PCDH7: variants seen among roughly 807,000 people sequenced by gnomAD.
PCDH7 encodes the protein protocadherin-7.
A neutral mutation model predicts 58.9 loss-of-function variants in PCDH7; 17 were observed. The observed-to-expected ratio is 0.29, with a 90% confidence interval of 0.20 to 0.43. The LOEUF is 0.43. Among genes scored for constraint, PCDH7 ranks in the 20% least tolerant of loss-of-function variants. The pLI, the probability that PCDH7 is intolerant of heterozygous loss-of-function variation, is 1.00. For synonymous variants in PCDH7, 664 were observed against 616.4 expected (o/e 1.08, Z -1.14); for missense variants, 1,274 against 1,441.0 (o/e 0.88, Z 1.88).
intron 1 of PCDH7, among the ~76,000 whole-genome samples, chr4:30,864,991 T>C (rs1734694167): frequency 6.6e-6 from 1 of 152,032 alleles, no homozygotes; most frequent in South Asian, 2.1e-4. Flanking sequence ...CAAAATGAGC[T>C]CATGTGATTT....
chr4:30,943,616 C>T (rs1269346256), intron 2 of PCDH7, among the ~76,000 whole-genome samples: 1 of 152,124 alleles, frequency 6.6e-6, no homozygotes, highest in Non-Finnish European at 1.5e-5. Context: ...TGCTGGCCAA[C>T]TCTTCCTTTA....
At chr4:30,877,090 G>A (rs1422249780) in intron 1 of PCDH7, among the ~76,000 whole-genome samples, 1 of 152,078 alleles carries the variant, frequency 6.6e-6, no homozygotes, top group African/African-American at 2.4e-5. Context: ...GAAGCATTAT[G>A]AAAGTATTTT....
chr4:30,764,421 G>A (rs1227506783), intron 1 of PCDH7, among the ~76,000 whole-genome samples: 1 of 151,864 alleles, frequency 6.6e-6, no homozygotes, highest in Non-Finnish European at 1.5e-5. Context: ...TTAAGTAGTG[G>A]TTCAGGAATA....
At chr4:30,996,570 A>C (rs1480235880) in intron 3 of PCDH7, among the ~76,000 whole-genome samples, 1 of 152,136 alleles carries the variant, frequency 6.6e-6, no homozygotes, top group Non-Finnish European at 1.5e-5. Flanking sequence ...TCATCTTGGG[A>C]CATGCTACTG....
At chr4:31,076,917 T>A (rs1431761182) in intron 3 of PCDH7, among the ~76,000 whole-genome samples, 1 of 152,154 alleles carries the variant, frequency 6.6e-6, no homozygotes, top group African/African-American at 2.4e-5. Context: ...CAATCTTATA[T>A]TTAGTGATAA....
Position 30,829,748 on chromosome 4 carries a change from T to A in PCDH7, c.71-90405T>A, listed in dbSNP as rs185093268. Among the ~76,000 whole-genome samples, 293 of 152,228 alleles carry A rather than the reference T, an allele frequency of 1.9e-3. 2 individuals are homozygous for A. The highest frequency in any genetic ancestry group is 6.4e-3 in the African/African-American group (267 of 41,574). Reference sequence around the variant, plus strand: ...GGGAAGAACCAGACAATTTGCATTATCCACAGTATTTAGAAATATGGCTAA... The same window carrying A: ...GGGAAGAACCAGACAATTTGCATTAACCACAGTATTTAGAAATATGGCTAA... On this transcript the variant is annotated intron_variant, in intron 1 of 3. Coordinates refer to the PCDH7 transcript ENST00000509759.
rs1458033779 is a variant in PCDH7, at chr4:30,723,294, G to C, written c.1872G>C (p.Thr624=). Residue 624 remains threonine (T), a synonymous_variant, in exon 1 of 2, where the codon ACG becomes ACC. Transcript: ENST00000361762. The surrounding 1 kb of genome is among the most constrained non-coding windows in gnomAD (Gnocchi z 4.6). ...TCCCCGTGCTGCAGGGCAGCACTAC[G>C]GTGATTGTGCAGGTGGCTGATAAAA... 1.2e-6 allele frequency: 2 copies of C among 1,614,080 alleles called. No homozygotes were observed. The highest frequency in any genetic ancestry group is 2.7e-5 in the African/African-American group (2 of 74,934).
At chr4:30,879,472 G>T (rs1736689122) in intron 1 of PCDH7, among the ~76,000 whole-genome samples, 1 of 151,724 alleles carries the variant, frequency 6.6e-6, no homozygotes, top group South Asian at 2.1e-4. Flanking sequence ...TCTCTCTTAA[G>T]CCCCAAATTC....
At chr4:30,920,933 A>G (rs577681453) in intron 2 of PCDH7, among the ~76,000 whole-genome samples, 3 of 151,756 alleles carry the variant, frequency 2.0e-5, no homozygotes, top group Non-Finnish European at 4.4e-5. Flanking sequence ...CTATTCAAGT[A>G]TAAGGTTTTT....
intron 1 of PCDH7, among the ~76,000 whole-genome samples, chr4:30,918,230 T>C (rs1177330794): frequency 5.3e-5 from 8 of 152,150 alleles, no homozygotes; most frequent in Non-Finnish European, 1.0e-4. Flanking sequence ...TGTTTACTGA[T>C]TATTTTGTGT....
intron 3 of PCDH7, among the ~76,000 whole-genome samples, chr4:31,130,457 AT>A (rs1338166442): frequency 6.6e-6 from 1 of 152,224 alleles, no homozygotes. Context: ...AATGGATGAA[AT>A]ATAGGTACAA....
intron 3 of PCDH7, among the ~76,000 whole-genome samples, chr4:31,064,975 A>T (rs1470003527): frequency 6.6e-6 from 1 of 152,148 alleles, no homozygotes; most frequent in East Asian, 1.9e-4. Flanking sequence ...AAGATTAATC[A>T]TGATTAAAGT....
chr4:30,745,249 T>G (rs1480344487), intron 1 of PCDH7, among the ~76,000 whole-genome samples: 2 of 43,624 alleles, frequency 4.6e-5, no homozygotes, highest in African/African-American at 1.1e-4. Flanking sequence ...TTACATCTTG[T>G]TTTTTTTTTT....
chr4:30,856,821 T>G (rs1004429259), intron 1 of PCDH7, among the ~76,000 whole-genome samples: 6 of 152,096 alleles, frequency 3.9e-5, no homozygotes, highest in Admixed American at 1.3e-4. Flanking sequence ...ATGAATTTAT[T>G]GACTTTCAAA....
chr4:30,867,284 G>C (rs1357512991), intron 1 of PCDH7, among the ~76,000 whole-genome samples: 1 of 152,038 alleles, frequency 6.6e-6, no homozygotes, highest in African/African-American at 2.4e-5. Flanking sequence ...GGTAAGAATG[G>C]AGGTGAGGGT....
At chr4:30,839,897 T>C (rs1403777431) in intron 1 of PCDH7, among the ~76,000 whole-genome samples, 1 of 152,102 alleles carries the variant, frequency 6.6e-6, no homozygotes, top group African/African-American at 2.4e-5. Flanking sequence ...AATTGTAATA[T>C]GGGTTTTTGA....
At position 31,029,455 on chromosome 4, in the gene PCDH7, T is replaced by C. The variant is rs573579775; in HGVS notation, c.*7+79240T>C. Reference sequence around the variant, plus strand: ...CAAAGTGTTGGATTAGAGTGGGTTCTGAGTGGAGCATGAAAACCAGATATT... The same window carrying C: ...CAAAGTGTTGGATTAGAGTGGGTTCCGAGTGGAGCATGAAAACCAGATATT... On this transcript the variant is annotated intron_variant, in intron 3 of 3. Transcript: ENST00000509759. Among the ~76,000 whole-genome samples, 7 of 152,312 alleles carry C rather than the reference T, an allele frequency of 4.6e-5. No individual in the cohort carries two copies. The South Asian group carries it at 1.5e-3, about 32-fold the overall frequency.
At chr4:31,080,338 T>C (rs1759396057) in intron 3 of PCDH7, among the ~76,000 whole-genome samples, 1 of 152,124 alleles carries the variant, frequency 6.6e-6, no homozygotes, top group African/African-American at 2.4e-5. Context: ...TCAAATTGAT[T>C]TTTAAAAATA....
At chr4:31,004,552 A>G (rs907119205) in intron 3 of PCDH7, among the ~76,000 whole-genome samples, 4 of 152,058 alleles carry the variant, frequency 2.6e-5, no homozygotes, top group Non-Finnish European at 5.9e-5. Context: ...TCTACAAAAA[A>G]TACAAAAATT....
Sources: allele counts gnomAD v4.1 joint callset (sites outside exome capture counted in the v4.1 genomes callset), GRCh38; gene constraint gnomAD v4.1.1; non-coding constraint Gnocchi (gnomAD v3.1); transcripts MANE v1.5; gene names NCBI Gene and HGNC (gene_info 2026-07-23, HGNC 2026-07-21).